The following NRXN1 variants were observed in gnomAD, a reference collection of about 807,000 sequenced individuals.
NRXN1 encodes neurexin 1, also known as neurexin-1.
In NRXN1, 39 loss-of-function variants were observed where a neutral mutation model predicts 150.9. That is an observed-to-expected ratio of 0.26 (90% CI 0.20 to 0.34). The LOEUF (loss-of-function observed/expected upper bound fraction) is 0.34, where lower values mean the gene tolerates loss of function less well. NRXN1 is among the 10% of genes least tolerant of loss of function. The pLI is 1.00. For missense variants in NRXN1, 1,815 were observed against 1,949.9 expected, an observed-to-expected ratio of 0.93 and a Z score of 1.30; for synonymous variants, 924 against 757.0, an observed-to-expected ratio of 1.22 and a Z score of -3.62.
intron 17 of NRXN1, among the ~76,000 whole-genome samples, chr2:50,275,225 T>A (rs10186205): frequency 0.11 from 16,127 of 152,136 alleles, 947 homozygotes; most frequent in East Asian, 0.19. Context: ...AAATGAACAG[T>A]CACAGAATAA....
intron 5 of NRXN1, among the ~76,000 whole-genome samples, chr2:50,663,215 TTTCTGCCTCCAAAGAAA>T (rs1687562914): frequency 6.6e-6 from 1 of 152,076 alleles, no homozygotes; most frequent in African/African-American, 2.4e-5. Flanking sequence ...ATACATATTT[TTTCTGCCTCCAAAGAAA>T]TTATTTTCTC....
chr2:50,583,702 G>C (rs923094443), intron 8 of NRXN1, among the ~76,000 whole-genome samples: 1 of 152,114 alleles, frequency 6.6e-6, no homozygotes, highest in Non-Finnish European at 1.5e-5. Flanking sequence ...TATATTCAAG[G>C]TTCACAGAAT....
chr2:50,191,640 A>G (rs2061450507), intron 18 of NRXN1, among the ~76,000 whole-genome samples: 1 of 152,074 alleles, frequency 6.6e-6, no homozygotes, highest in Non-Finnish European at 1.5e-5. Flanking sequence ...CATCTCTATA[A>G]TTTTGCCATT....
rs772333323 is a variant in NRXN1 at position 51,027,716 on chromosome 2, G to A, written c.558C>T (p.Asp186=). The change falls in exon 2 of 23, where the codon GAC becomes GAT. Residue 186 remains aspartate (D), a synonymous_variant. Transcript: ENST00000401669. ...EREPFKGWIR[D]VRVNSSQVLP... The stretch of plus-strand genomic sequence containing the variant: ...GGACCTGCGAGGAGTTGACCCTCAC[G>A]TCACGAATCCACCCCTTGAAGGGCT... The A allele has an allele frequency of 1.2e-6, 2 of 1,609,348 alleles. No individual in the cohort carries two copies. The highest frequency in any genetic ancestry group is 8.5e-7 in the Non-Finnish European group (1 of 1,177,644).
At chr2:50,379,731 G>T (rs1374640305) in intron 17 of NRXN1, among the ~76,000 whole-genome samples, 4 of 152,076 alleles carry the variant, frequency 2.6e-5, no homozygotes. Context: ...AAAAAAGGAG[G>T]AAATCTCCAC....
At chr2:50,053,205 T>C (rs1693010931) in intron 21 of NRXN1, 66 bp downstream of exon 21, 8 of 1,534,670 alleles carry the variant, frequency 5.2e-6, no homozygotes, top group Middle Eastern at 1.7e-4. Flanking sequence ...AAGACGCATA[T>C]GCAGAAAAGC....
intron 17 of NRXN1, among the ~76,000 whole-genome samples, chr2:50,255,074 C>T (rs2067566032): frequency 6.6e-6 from 1 of 152,114 alleles, no homozygotes; most frequent in South Asian, 2.1e-4. Context: ...TACGAAAGTG[C>T]TGGTATTACA....
intron 18 of NRXN1, among the ~76,000 whole-genome samples, chr2:50,138,346 T>TAA (rs139183834): frequency 6.6e-6 from 1 of 151,832 alleles, no homozygotes; most frequent in East Asian, 1.9e-4. Context: ...TTTCTAAGAT[T>TAA]AAAAAAACAA....
chr2:50,613,123 T>C (rs1678461311), intron 8 of NRXN1, among the ~76,000 whole-genome samples: 1 of 152,196 alleles, frequency 6.6e-6, no homozygotes, highest in South Asian at 2.1e-4. Flanking sequence ...AGCAAAACTA[T>C]CATCTTCCAT....
At chr2:50,679,630 C>G (rs963181534) in intron 5 of NRXN1, among the ~76,000 whole-genome samples, 1 of 152,062 alleles carries the variant, frequency 6.6e-6, no homozygotes, top group Non-Finnish European at 1.5e-5. Flanking sequence ...AATTCCCTTA[C>G]TGGACTTACA....
intron 17 of NRXN1, among the ~76,000 whole-genome samples, chr2:50,295,346 C>A (rs905064115): frequency 3.9e-5 from 6 of 152,148 alleles, no homozygotes; most frequent in African/African-American, 1.4e-4. Flanking sequence ...ACAAATGTGA[C>A]ACAAGGTAAA....
chr2:50,488,768 T>C (rs899129863), intron 15 of NRXN1, among the ~76,000 whole-genome samples: 1 of 152,174 alleles, frequency 6.6e-6, no homozygotes, highest in African/African-American at 2.4e-5. Flanking sequence ...ACCCTGAAGA[T>C]TTAAATCTTA....
At chr2:50,151,844 A>T (rs898992728) in intron 18 of NRXN1, among the ~76,000 whole-genome samples, 5 of 151,756 alleles carry the variant, frequency 3.3e-5, no homozygotes, top group Non-Finnish European at 7.4e-5. Context: ...CTATACTTCA[A>T]TGCAGCTGTA....
At chr2:50,355,709 T>A (rs953553824) in intron 17 of NRXN1, among the ~76,000 whole-genome samples, 34 of 152,288 alleles carry the variant, frequency 2.2e-4, no homozygotes, top group African/African-American at 8.2e-4. Context: ...CTCTGTCATT[T>A]TTTTGCTACC....
intron 5 of NRXN1, among the ~76,000 whole-genome samples, chr2:50,727,993 C>G (rs1358454446): frequency 6.6e-6 from 1 of 152,152 alleles, no homozygotes; most frequent in Non-Finnish European, 1.5e-5. Context: ...CTGTGGAAAA[C>G]TGTCACAACA....
At chr2:50,786,582 T>G (rs1199628621) in intron 5 of NRXN1, among the ~76,000 whole-genome samples, 1 of 152,116 alleles carries the variant, frequency 6.6e-6, no homozygotes, top group Non-Finnish European at 1.5e-5. Context: ...ATTTAGACAG[T>G]CCTTGCAGAG....
chr2:49,942,974 G>A (rs1451531730), intron 22 of NRXN1, among the ~76,000 whole-genome samples: 1 of 152,122 alleles, frequency 6.6e-6, no homozygotes, highest in African/African-American at 2.4e-5. Flanking sequence ...CAAAACTAAT[G>A]GAAATGAGCC....
chr2:50,390,154 T>A (rs2081590152), intron 17 of NRXN1, among the ~76,000 whole-genome samples: 1 of 152,134 alleles, frequency 6.6e-6, no homozygotes, highest in Non-Finnish European at 1.5e-5. Flanking sequence ...GATTTTCCTG[T>A]ATGTTTTTAT....
rs1342441489 is a variant in NRXN1 at position 51,027,745 on chromosome 2, G to A, written c.529C>T (p.Arg177Trp). ...LKLTLASVRE[R>W]EPFKGWIRDV... ...CGAATCCACCCCTTGAAGGGCTCCC[G>A]CTCCCTCACCGAGGCCAGGGTGAGC... The change falls in exon 2 of 23, where the codon CGG (arginine) becomes TGG (tryptophan). Residue 177 changes from arginine to tryptophan, a missense_variant. Physicochemically the swap from Arg to Trp is moderately radical, Grantham distance 101 (BLOSUM62 -3). Coordinates refer to ENST00000401669, the MANE Select transcript of NRXN1 (RefSeq NM_001330078.2). The A allele has an allele frequency of 3.1e-6, 5 of 1,611,660 alleles. No homozygotes were observed. Among genetic ancestry groups the A allele is most frequent in the Non-Finnish European group, 4.2e-6 (5 of 1,179,008 alleles).
Sources: gnomAD v4.1 joint callset for allele counts (sites outside exome capture counted in the v4.1 genomes callset) on GRCh38, gnomAD v4.1.1 for gene constraint, MANE v1.5 for transcripts, NCBI Gene and HGNC (gene_info 2026-07-23, HGNC 2026-07-21) for gene names.